The following AKAP6 variants were observed in gnomAD, a reference collection of about 807,000 sequenced individuals.
AKAP6 encodes the protein A-kinase anchoring protein 6, also known as A-kinase anchor protein 6.
Under a neutral mutation model 188.5 loss-of-function variants are expected in AKAP6, and 58 were observed. The observed-to-expected ratio is 0.31, with a 90% CI of 0.25 to 0.38. The LOEUF (loss-of-function observed/expected upper bound fraction) is 0.38. AKAP6 is among the 10% of genes least tolerant of loss of function. AKAP6 has a pLI of 1.00. For missense variants in AKAP6, 2,710 were observed against 2,740.0 expected (o/e 0.99, Z 0.24); for synonymous variants, 989 against 998.6 (o/e 0.99, Z 0.18).
In AKAP6 at chr14:32,472,645, T is replaced by C. The variant is rs1054244244; in HGVS notation, c.324+38828T>C. Among the ~76,000 whole-genome samples, 5 of 152,298 alleles carry C rather than the reference T, an allele frequency of 3.3e-5. No individual in the cohort carries two copies. The South Asian group carries it at 1.0e-3, about 32-fold the overall frequency. On this transcript the variant is annotated intron_variant, in intron 2 of 13. Coordinates refer to ENST00000280979, the MANE Select transcript of AKAP6 (RefSeq NM_004274.5). Reference sequence around the variant, plus strand: ...GCAGGGAGATGGCAACGAGGTTCTCTGCACCAACTGTCTCCTGCAGCTGGG... The same window carrying C: ...GCAGGGAGATGGCAACGAGGTTCTCCGCACCAACTGTCTCCTGCAGCTGGG...
At chr14:32,611,368 C>A (rs1886345814) in intron 7 of AKAP6, among the ~76,000 whole-genome samples, 1 of 152,084 alleles carries the variant, frequency 6.6e-6, no homozygotes, top group Non-Finnish European at 1.5e-5. Context: ...CCAGGTGATT[C>A]TAAAGTACAG....
At chr14:32,733,969 G>C (rs2031302223) in intron 10 of AKAP6, 1 of 151,996 alleles carries the variant, frequency 6.6e-6, no homozygotes, top group Admixed American at 6.6e-5. Context: ...TTAGAAAATT[G>C]TTTAAGTTAT....
At chr14:32,658,663 C>G (rs1888553129) in intron 7 of AKAP6, among the ~76,000 whole-genome samples, 1 of 150,966 alleles carries the variant, frequency 6.6e-6, no homozygotes, top group African/African-American at 2.4e-5. Context: ...TGATTTGCAT[C>G]TAGTAGGGTT....
At chr14:32,406,478 G>A (rs1005192024) in intron 1 of AKAP6, among the ~76,000 whole-genome samples, 1 of 152,102 alleles carries the variant, frequency 6.6e-6, no homozygotes, top group Non-Finnish European at 1.5e-5. Flanking sequence ...AAAGTCCTGG[G>A]ATTACAGACA....
intron 4 of AKAP6, among the ~76,000 whole-genome samples, chr14:32,552,062 TA>T (rs201089401): frequency 0.01 from 1,568 of 152,338 alleles, 25 homozygotes; most frequent in African/African-American, 0.033. Flanking sequence ...AGGGCAGGAA[TA>T]TTTATCTGTT....
chr14:32,811,255 A>AAAAAAAAAAAAAAAAAATT (rs546819675), intron 12 of AKAP6, among the ~76,000 whole-genome samples: 1 of 118,298 alleles, frequency 8.5e-6, no homozygotes, highest in Non-Finnish European at 1.8e-5. Context: ...AAAAAAAAAA[A>AAAAAAAAAAAAAAAAAATT]AGTTGAAAAA....
At chr14:32,522,797 C>G (rs1881914249) in intron 2 of AKAP6, among the ~76,000 whole-genome samples, 2 of 152,100 alleles carry the variant, frequency 1.3e-5, no homozygotes, top group Non-Finnish European at 2.9e-5. Flanking sequence ...CCTCGGGGAT[C>G]TAGAACTAGA....
intron 1 of AKAP6, among the ~76,000 whole-genome samples, chr14:32,380,021 T>C (rs1956869963): frequency 6.6e-6 from 1 of 152,198 alleles, no homozygotes; most frequent in African/African-American, 2.4e-5. Context: ...TAAATTTGTC[T>C]TTACAATGTT....
chr14:32,800,994 G>A (rs1036031118), intron 12 of AKAP6, among the ~76,000 whole-genome samples: 7 of 152,096 alleles, frequency 4.6e-5, no homozygotes, highest in Non-Finnish European at 7.4e-5. Flanking sequence ...GCCAGCCTGG[G>A]CAACAGAGTG....
intron 11 of AKAP6, among the ~76,000 whole-genome samples, chr14:32,750,880 G>A (rs902401008): frequency 2.0e-5 from 3 of 151,514 alleles, no homozygotes; most frequent in South Asian, 2.1e-4. Flanking sequence ...GACTACAGGC[G>A]CCTGCCACCA....
chr14:32,507,818 A>G (rs951574114), intron 2 of AKAP6, among the ~76,000 whole-genome samples: 1 of 152,226 alleles, frequency 6.6e-6, no homozygotes, highest in Non-Finnish European at 1.5e-5. Context: ...CAGCAATGCC[A>G]TGAGCAAAAG....
chr14:32,379,021 C>G (rs537395422), intron 1 of AKAP6, among the ~76,000 whole-genome samples: 1 of 150,912 alleles, frequency 6.6e-6, no homozygotes, highest in Non-Finnish European at 1.5e-5. Context: ...TGGGTTCAAG[C>G]GATTCTCCTG....
chr14:32,642,174 T>A (rs1887786761), intron 7 of AKAP6, among the ~76,000 whole-genome samples: 2 of 152,204 alleles, frequency 1.3e-5, no homozygotes, highest in Admixed American at 1.3e-4. Flanking sequence ...TTATTGTTGT[T>A]ATACTTGGCT....
intron 2 of AKAP6, among the ~76,000 whole-genome samples, chr14:32,486,698 A>G (rs1282995871): frequency 1.3e-5 from 2 of 152,254 alleles, no homozygotes; most frequent in African/African-American, 4.8e-5. Context: ...GTTACTTATC[A>G]GCTTAAGGAG....
At chr14:32,645,739 A>G (rs990596357) in intron 7 of AKAP6, among the ~76,000 whole-genome samples, 5 of 152,176 alleles carry the variant, frequency 3.3e-5, no homozygotes, top group Non-Finnish European at 7.3e-5. Context: ...CACTGTTTAT[A>G]CACAATTCTT....
chr14:32,720,865 C>A (rs1181407842), intron 9 of AKAP6, among the ~76,000 whole-genome samples: 1 of 152,020 alleles, frequency 6.6e-6, no homozygotes, highest in Non-Finnish European at 1.5e-5. Flanking sequence ...TCAAAAAAAA[C>A]TTTAAAAAAT....
At chr14:32,340,779 T>G (rs1423038848) in intron 1 of AKAP6, among the ~76,000 whole-genome samples, 1 of 152,198 alleles carries the variant, frequency 6.6e-6, no homozygotes, top group Non-Finnish European at 1.5e-5. Flanking sequence ...AAAGATTTGG[T>G]GTCAGGTGAG....
chr14:32,446,577 A>G (rs1890763071), intron 2 of AKAP6, among the ~76,000 whole-genome samples: 2 of 149,886 alleles, frequency 1.3e-5, no homozygotes. Flanking sequence ...AGAAAATGAT[A>G]AGTTTTCTTA....
At chr14:32,810,475 AGT>A (rs1462307645) in intron 12 of AKAP6, among the ~76,000 whole-genome samples, 1 of 152,154 alleles carries the variant, frequency 6.6e-6, no homozygotes, top group African/African-American at 2.4e-5. Flanking sequence ...CAGGATCCTA[AGT>A]GTGTTTCCCT....
Sources: gnomAD v4.1 joint callset for allele counts (sites outside exome capture counted in the v4.1 genomes callset) on GRCh38, gnomAD v4.1.1 for gene constraint, MANE v1.5 for transcripts, NCBI Gene and HGNC (gene_info 2026-07-23, HGNC 2026-07-21) for gene names.